The following DOCK4 variants were observed in gnomAD, a reference collection of about 807,000 sequenced individuals.
DOCK4 encodes dedicator of cytokinesis 4, also known as dedicator of cytokinesis protein 4.
DOCK4 carries 97 observed loss-of-function variants against 268.1 expected under a neutral mutation model. The ratio of observed to expected loss-of-function variants is 0.36; its 90% confidence interval spans 0.31 to 0.43. The LOEUF is 0.43. DOCK4 is among the 20% of genes least tolerant of loss of function. The pLI, the probability that DOCK4 is intolerant of heterozygous loss-of-function variation, is 1.00. For synonymous variants in DOCK4, 954 were observed against 887.2 expected (o/e 1.08, Z -1.34); for missense variants, 2,145 against 2,455.7 (o/e 0.87, Z 2.67).
At chr7:112,166,360 C>T (rs1817613530) in intron 1 of DOCK4, among the ~76,000 whole-genome samples, 1 of 152,126 alleles carries the variant, frequency 6.6e-6, no homozygotes, top group Non-Finnish European at 1.5e-5. Context: ...GGTAAGTATA[C>T]ACACATGAAA....
chr7:111,984,187 T>C, intron 7 of DOCK4, 119 bp downstream of exon 7: 1 of 893,520 alleles, frequency 1.1e-6, no homozygotes, highest in South Asian at 1.7e-5. Context: ...CAAGTCTTTT[T>C]ACTCTCTCTA....
In DOCK4 at chr7:111,968,538, A is replaced by G. The variant is rs1157359762; in HGVS notation, c.701+8594T>C. Among the ~76,000 whole-genome samples the G allele has an allele frequency of 6.4e-4, 66 of 103,112 alleles. 3 individuals are homozygous for G. Among genetic ancestry groups the G allele is most frequent in the Non-Finnish European group, 4.7e-4 (26 of 54,974 alleles). 67.6% of individuals were successfully genotyped at this position (103,112 alleles called of 152,430 possible). ...TCATCTCACACCAGTTAGAAAGGCAATCATTAAAAAGTCAGGAAACAACAG... is the reference window on the plus strand; with the variant it reads ...TCATCTCACACCAGTTAGAAAGGCAGTCATTAAAAAGTCAGGAAACAACAG... On this transcript the variant is annotated intron_variant, in intron 8 of 52. Coordinates refer to ENST00000428084, the MANE Select transcript of DOCK4 (RefSeq NM_001363540.2).
At chr7:112,189,874 A>G (rs6971683) in intron 1 of DOCK4, among the ~76,000 whole-genome samples, 140,545 of 151,722 alleles carry the variant, frequency 0.93, 65,164 homozygotes, top group Middle Eastern at 0.97. Context: ...GAGTCACCAC[A>G]CCCGGCTTTC....
intron 1 of DOCK4, among the ~76,000 whole-genome samples, chr7:112,066,674 TACATATATACATATAC>T (rs1207038056): frequency 0.043 from 1,320 of 30,606 alleles, 62 homozygotes; most frequent in African/African-American, 0.099. Context: ...CATATACATA[TACATATATACATATAC>T]ATATATATAT....
At chr7:112,030,911 G>A (rs1347247244) in intron 1 of DOCK4, among the ~76,000 whole-genome samples, 5 of 152,212 alleles carry the variant, frequency 3.3e-5, no homozygotes, top group South Asian at 2.1e-4. Context: ...AAATACTCAG[G>A]AAGAGGTGCA....
intron 1 of DOCK4, among the ~76,000 whole-genome samples, chr7:112,172,184 C>A (rs774764514): frequency 6.6e-6 from 1 of 152,168 alleles, no homozygotes; most frequent in African/African-American, 2.4e-5. Flanking sequence ...AGCAAATATT[C>A]CAGTACGTTT....
intron 50 of DOCK4, 98 bp from the exon 51 acceptor site, chr7:111,735,265 C>A (rs2133390110): frequency 1.3e-6 from 1 of 786,070 alleles, no homozygotes; most frequent in Non-Finnish European, 2.0e-6. Context: ...GAATGAAAAA[C>A]TTAACTGGAT....
At chr7:111,916,644 A>T (rs1792609170) in intron 12 of DOCK4, among the ~76,000 whole-genome samples, 1 of 152,092 alleles carries the variant, frequency 6.6e-6, no homozygotes, top group Admixed American at 6.6e-5. Flanking sequence ...ATCATATATT[A>T]TTTTCTCAAT....
chr7:111,766,731 T>C (rs1368541787), intron 38 of DOCK4, among the ~76,000 whole-genome samples: 1 of 152,188 alleles, frequency 6.6e-6, no homozygotes. Flanking sequence ...TATGTGTAAG[T>C]GGAAACTCTT....
intron 7 of DOCK4, among the ~76,000 whole-genome samples, 159 bp from the exon 8 acceptor site, chr7:111,977,442 CTA>C (rs1186126934): frequency 6.6e-6 from 1 of 151,608 alleles, no homozygotes; most frequent in Non-Finnish European, 1.5e-5. Context: ...AATATACATT[CTA>C]TGTCTTTCAG....
intron 1 of DOCK4, among the ~76,000 whole-genome samples, chr7:112,112,069 C>G (rs1227152377): frequency 6.6e-6 from 1 of 152,142 alleles, no homozygotes; most frequent in Non-Finnish European, 1.5e-5. Flanking sequence ...TTTGCCTTCC[C>G]CATGAGAGGT....
At chr7:112,018,179 A>AAAACACAC in intron 1 of DOCK4, among the ~76,000 whole-genome samples, 8 of 72,590 alleles carry the variant, frequency 1.1e-4, no homozygotes, top group African/African-American at 2.2e-4. Context: ...AAAAAAAAAA[A>AAAACACAC]ACACAGGCAA....
chr7:111,757,264 C>CTGA (rs1056154944), intron 41 of DOCK4, among the ~76,000 whole-genome samples: 1 of 152,028 alleles, frequency 6.6e-6, no homozygotes, highest in African/African-American at 2.4e-5. Flanking sequence ...TGCTGCGCCA[C>CTGA]TGATACAGAT....
chr7:112,194,996 A>C (rs1820290245), intron 1 of DOCK4, among the ~76,000 whole-genome samples: 2 of 152,162 alleles, frequency 1.3e-5, no homozygotes, highest in Non-Finnish European at 2.9e-5. Context: ...AACAAACTGG[A>C]GGCTGGGCGC....
At chr7:112,103,608 G>A (rs904835189) in intron 1 of DOCK4, among the ~76,000 whole-genome samples, 7 of 152,188 alleles carry the variant, frequency 4.6e-5, no homozygotes, top group Admixed American at 1.3e-4. Context: ...CAGTCTGGGC[G>A]CAGTGGCTCA....
At chr7:111,788,278 G>A (rs372849182) in intron 32 of DOCK4, among the ~76,000 whole-genome samples, 1 of 152,186 alleles carries the variant, frequency 6.6e-6, no homozygotes, top group South Asian at 2.1e-4. Context: ...ATCAGCATCA[G>A]TATCTTGCTT....
At chr7:111,859,424 T>A (rs1448137642) in intron 23 of DOCK4, among the ~76,000 whole-genome samples, 1 of 152,164 alleles carries the variant, frequency 6.6e-6, no homozygotes, top group African/African-American at 2.4e-5. Flanking sequence ...TAAAAGAATT[T>A]TTTTTTACCC....
At chr7:111,862,237 T>C (rs1343375231) in intron 23 of DOCK4, among the ~76,000 whole-genome samples, 1 of 151,790 alleles carries the variant, frequency 6.6e-6, no homozygotes, top group Non-Finnish European at 1.5e-5. Context: ...AGGCAGAAGT[T>C]GCAGTGAGCC....
At chr7:111,734,874 T>C (rs1795360365) in intron 51 of DOCK4, among the ~76,000 whole-genome samples, 180 bp downstream of exon 51, 1 of 152,218 alleles carries the variant, frequency 6.6e-6, no homozygotes, top group Admixed American at 6.5e-5. Flanking sequence ...GACCACTGTT[T>C]GACCCCGTGT....
Sources: gnomAD v4.1 joint callset for allele counts (sites outside exome capture counted in the v4.1 genomes callset) on GRCh38, gnomAD v4.1.1 for gene constraint, MANE v1.5 for transcripts, NCBI Gene and HGNC (gene_info 2026-07-23, HGNC 2026-07-21) for gene names.